RARB: variants seen among roughly 807,000 people sequenced by gnomAD.
RARB encodes the protein HBV-activated protein.
In RARB, 17 loss-of-function variants were observed where a neutral mutation model predicts 51.9. The ratio of observed to expected loss-of-function variants is 0.33; its 90% confidence interval spans 0.22 to 0.49. RARB has a LOEUF of 0.49. Ranked by LOEUF, RARB falls within the 20% of genes least tolerant of loss-of-function variation. The probability of loss-of-function intolerance (pLI) is 0.99; values close to 1 mark genes in which losing one functional copy is unlikely to be tolerated. For missense variants in RARB, 369 were observed against 550.8 expected (o/e 0.67, Z 3.30); for synonymous variants, 215 against 195.4 (o/e 1.10, Z -0.84).
chr3:25,461,388 A>C, intron 2 of RARB, 47 bp downstream of exon 2: 1 of 1,593,186 alleles, frequency 6.3e-7, no homozygotes. Flanking sequence ...TTCTCCATGT[A>C]CTTTATGGAG....
intron 2 of RARB, among the ~76,000 whole-genome samples, chr3:24,970,318 G>C (rs1187335001): frequency 6.6e-6 from 1 of 151,916 alleles, no homozygotes; most frequent in African/African-American, 2.4e-5. Context: ...GTAGTGGTGA[G>C]AACTGAAACC....
intron 5 of RARB, among the ~76,000 whole-genome samples, chr3:25,200,310 T>C (rs1267390321): frequency 6.6e-6 from 1 of 151,740 alleles, no homozygotes; most frequent in Non-Finnish European, 1.5e-5. Flanking sequence ...TCTTGTAAAT[T>C]TGTTTGAGTT....
intron 1 of RARB, among the ~76,000 whole-genome samples, chr3:24,842,221 T>C (rs1279920248): frequency 6.6e-6 from 1 of 152,204 alleles, no homozygotes; most frequent in East Asian, 1.9e-4. Flanking sequence ...TTATCAGAGA[T>C]TCATTGTCTT....
intron 2 of RARB, among the ~76,000 whole-genome samples, chr3:25,032,667 A>G (rs555949426): frequency 3.9e-5 from 6 of 152,194 alleles, no homozygotes; most frequent in Non-Finnish European, 8.8e-5. Flanking sequence ...TCACTTTTAT[A>G]TACTGTTGGT....
At chr3:25,493,877 T>C (rs1696872862) in intron 2 of RARB, among the ~76,000 whole-genome samples, 1 of 152,200 alleles carries the variant, frequency 6.6e-6, no homozygotes, top group African/African-American at 2.4e-5. Context: ...TCAATGGCTC[T>C]AAGGCTAAAA....
rs540519133 is a variant in RARB, at chr3:25,209,685, T to C, written c.178+35110T>C. ...GCAGACCTCAGTTTTATGTCTCTCC[T>C]CCATCCCTAGCTCTCCTGCTCCCTG... On this transcript the variant is annotated intron_variant, in intron 5 of 11. Transcript: ENST00000383772. Among the ~76,000 whole-genome samples, 8 of 152,236 alleles carry C rather than the reference T, an allele frequency of 5.3e-5. No homozygotes were observed. The East Asian group carries it at 1.5e-3, about 29-fold the overall frequency.
At chr3:25,184,670 G>A (rs1453401275) in intron 5 of RARB, among the ~76,000 whole-genome samples, 1 of 152,088 alleles carries the variant, frequency 6.6e-6, no homozygotes, top group Non-Finnish European at 1.5e-5. Flanking sequence ...GAAAAATTAT[G>A]ATGTTGTTCA....
At chr3:25,066,172 G>C (rs1484949044) in intron 3 of RARB, among the ~76,000 whole-genome samples, 1 of 152,080 alleles carries the variant, frequency 6.6e-6, no homozygotes, top group Non-Finnish European at 1.5e-5. Flanking sequence ...TTTCAAGGCT[G>C]TCAGATCATA....
chr3:25,529,001 G>A (rs932818304), intron 3 of RARB, among the ~76,000 whole-genome samples: 6 of 151,870 alleles, frequency 4.0e-5, no homozygotes, highest in African/African-American at 1.2e-4. Flanking sequence ...AATAATCAAT[G>A]TGTGGCTCTC....
intron 3 of RARB, among the ~76,000 whole-genome samples, chr3:25,110,136 C>T (rs796855637): frequency 6.6e-6 from 1 of 152,134 alleles, no homozygotes; most frequent in Non-Finnish European, 1.5e-5. Flanking sequence ...GAGTGGTATC[C>T]TCCAAAAAAA....
chr3:25,310,753 G>T (rs1704269923), intron 5 of RARB, among the ~76,000 whole-genome samples: 2 of 152,110 alleles, frequency 1.3e-5, no homozygotes, highest in Non-Finnish European at 2.9e-5. Context: ...TACTGTCTGT[G>T]CCAGTGGTTG....
At chr3:25,247,804 T>A (rs917497204) in intron 5 of RARB, among the ~76,000 whole-genome samples, 51 of 152,260 alleles carry the variant, frequency 3.3e-4, no homozygotes, top group African/African-American at 1.2e-3. Context: ...TCTTAACATA[T>A]CTATTCTGAA....
chr3:24,955,693 T>A (rs1695999282), intron 2 of RARB, among the ~76,000 whole-genome samples: 2 of 152,094 alleles, frequency 1.3e-5, no homozygotes, highest in Non-Finnish European at 2.9e-5. Flanking sequence ...CCCTTTTTTT[T>A]AGGGGGTGGA....
chr3:25,127,414 G>T (rs1699878694), intron 3 of RARB, among the ~76,000 whole-genome samples: 1 of 152,120 alleles, frequency 6.6e-6, no homozygotes, highest in Non-Finnish European at 1.5e-5. Context: ...CATGATGCTG[G>T]TGTCTTCTCA....
At chr3:25,101,292 A>G (rs1699395525) in intron 3 of RARB, among the ~76,000 whole-genome samples, 2 of 152,194 alleles carry the variant, frequency 1.3e-5, no homozygotes, top group Admixed American at 6.5e-5. Flanking sequence ...GAAACCAATA[A>G]GAAGAGCAAA....
At chr3:25,269,792 CA>C (rs780554562) in intron 5 of RARB, among the ~76,000 whole-genome samples, 1 of 152,038 alleles carries the variant, frequency 6.6e-6, no homozygotes, top group Non-Finnish European at 1.5e-5. Context: ...TCTTTGTTAA[CA>C]AAATTTGTAT....
At chr3:25,341,630 A>G (rs76173053) in intron 5 of RARB, among the ~76,000 whole-genome samples, 6,358 of 152,134 alleles carry the variant, frequency 0.042, 167 homozygotes, top group Middle Eastern at 0.061. Flanking sequence ...GTAGTTCTCA[A>G]CTGGGGATAA....
intron 5 of RARB, among the ~76,000 whole-genome samples, chr3:25,220,603 T>C (rs1701926271): frequency 6.6e-6 from 1 of 152,144 alleles, no homozygotes; most frequent in African/African-American, 2.4e-5. Flanking sequence ...ATCTGATGAT[T>C]TTATAAATGT....
At chr3:25,050,933 C>A (rs961766933) in intron 2 of RARB, among the ~76,000 whole-genome samples, 2 of 152,122 alleles carry the variant, frequency 1.3e-5, no homozygotes, top group Non-Finnish European at 2.9e-5. Context: ...TGTTTTAATT[C>A]TTTCTGGTGC....
Sources: allele counts gnomAD v4.1 joint callset (sites outside exome capture counted in the v4.1 genomes callset), GRCh38; gene constraint gnomAD v4.1.1; transcripts MANE v1.5; gene names NCBI Gene and HGNC (gene_info 2026-07-23, HGNC 2026-07-21).